The following TLL2 variants were observed in gnomAD, a reference collection of about 807,000 sequenced individuals.
TLL2 encodes the protein tolloid like 2.
A neutral mutation model predicts 123.0 loss-of-function variants in TLL2; 106 were observed. The ratio of observed to expected loss-of-function variants is 0.86; its 90% CI spans 0.74 to 1.01. The LOEUF is 1.01. TLL2 is among the 50% of genes least tolerant of loss of function. The pLI, the probability that TLL2 is intolerant of heterozygous loss-of-function variation, is 0.00. For missense variants in TLL2, 1,332 were observed against 1,336.7 expected (o/e 1.00, Z 0.06); for synonymous variants, 494 against 516.8 (o/e 0.96, Z 0.60).
chr10:96,476,240 A>ATATATATATTTTTTT, intron 2 of TLL2, among the ~76,000 whole-genome samples: 1 of 20,494 alleles, frequency 4.9e-5, no homozygotes, highest in East Asian at 2.1e-3. Flanking sequence ...ATATATATAT[A>ATATATATATTTTTTT]TTTTATTTTT....
chr10:96,468,923 C>T (rs1219615709), intron 2 of TLL2, among the ~76,000 whole-genome samples: 1 of 152,238 alleles, frequency 6.6e-6, no homozygotes. Context: ...GAATGAGGCC[C>T]TGGAGGATGA....
intron 1 of TLL2, 41 bp from the exon 2 acceptor site, chr10:96,480,500 G>C: frequency 6.5e-7 from 1 of 1,530,242 alleles, no homozygotes; most frequent in South Asian, 1.1e-5. Context: ...TATGCTAGAA[G>C]TCAAGAAAAA....
intron 16 of TLL2, among the ~76,000 whole-genome samples, chr10:96,380,965 G>A (rs866764271): frequency 2.0e-5 from 3 of 149,162 alleles, no homozygotes; most frequent in African/African-American, 5.0e-5. Context: ...CAACAAGAGC[G>A]ACACTCTGTC....
intron 1 of TLL2, among the ~76,000 whole-genome samples, chr10:96,512,635 C>T (rs1589440893): frequency 6.6e-6 from 1 of 152,378 alleles, no homozygotes; most frequent in East Asian, 1.9e-4. Context: ...GTGCGAGCCT[C>T]TGAGCCCAGC....
chr10:96,374,210 TG>T, intron 18 of TLL2: 1 of 214,282 alleles, frequency 4.7e-6, no homozygotes, highest in South Asian at 8.7e-5. Context: ...CAGCAAGGGC[TG>T]AGTGCCCACT....
At chr10:96,509,141 A>C (rs1348079546) in intron 1 of TLL2, among the ~76,000 whole-genome samples, 1 of 152,198 alleles carries the variant, frequency 6.6e-6, no homozygotes, top group East Asian at 1.9e-4. Flanking sequence ...CAACAGCCAG[A>C]CACATGAGCG....
chr10:96,484,875 C>T (rs953123463), intron 1 of TLL2, among the ~76,000 whole-genome samples: 4 of 152,132 alleles, frequency 2.6e-5, no homozygotes, highest in East Asian at 1.9e-4. Flanking sequence ...ACATAGTAGG[C>T]GATTTCCCCA....
At chr10:96,398,178 G>T (rs1288356241) in intron 10 of TLL2, among the ~76,000 whole-genome samples, 1 of 152,190 alleles carries the variant, frequency 6.6e-6, no homozygotes, top group Non-Finnish European at 1.5e-5. Flanking sequence ...GGATGGAAGT[G>T]ACTTTCCCAC....
chr10:96,437,181 T>G (rs1479157174), intron 3 of TLL2, among the ~76,000 whole-genome samples: 1 of 152,228 alleles, frequency 6.6e-6, no homozygotes, highest in African/African-American at 2.4e-5. Context: ...AATATTATAT[T>G]TTCTGGTATA....
intron 13 of TLL2, among the ~76,000 whole-genome samples, chr10:96,394,335 G>A (rs1384702764): frequency 1.3e-5 from 2 of 152,296 alleles, no homozygotes; most frequent in East Asian, 1.9e-4. Flanking sequence ...ATGCAGTGGG[G>A]AGCAGCCATG....
At chr10:96,410,142 C>T (rs148534472) in intron 9 of TLL2, among the ~76,000 whole-genome samples, 3 of 152,308 alleles carry the variant, frequency 2.0e-5, no homozygotes, top group African/African-American at 7.2e-5. Context: ...ATTTATAACT[C>T]AGCAGATATT....
intron 1 of TLL2, among the ~76,000 whole-genome samples, chr10:96,496,710 A>G (rs1847479583): frequency 6.6e-6 from 1 of 152,254 alleles, no homozygotes; most frequent in African/African-American, 2.4e-5. Context: ...ACACCTGCTC[A>G]GCTAATTTCC....
intron 1 of TLL2, among the ~76,000 whole-genome samples, chr10:96,495,026 T>A (rs548990378): frequency 4.6e-5 from 7 of 152,338 alleles, no homozygotes; most frequent in African/African-American, 1.2e-4. Context: ...TTTCACTACA[T>A]TTTCTTTTAG....
intron 3 of TLL2, among the ~76,000 whole-genome samples, chr10:96,439,422 T>C (rs1846829949): frequency 6.6e-6 from 1 of 151,982 alleles, no homozygotes; most frequent in African/African-American, 2.4e-5. Context: ...GCTCTAAAAC[T>C]TGCCTGGGTC....
rs1478167473 is a variant in TLL2, at chr10:96,513,531, T to C, written c.155A>G (p.Tyr52Cys). 2 of 1,612,582 alleles carry C rather than the reference T, an allele frequency of 1.2e-6. No individual in the cohort carries two copies. The highest frequency in any genetic ancestry group is 3.3e-5 in the Admixed American group (2 of 60,014). The change falls in exon 1 of 21, where the codon TAC becomes TGC. Residue 52 changes from tyrosine (Y) to cysteine (C), a missense_variant. Physicochemically the swap from Tyr to Cys is radical, Grantham distance 194 (BLOSUM62 -2). Transcript: ENST00000357947. ...EEGTEQQLEH[Y>C]HDPCKAAVFW... ...CCTACCGGCTTTGCAAGGGTCGTGG[T>C]AATGCTCCAGCTGCTGCTCCGTGCC...
intron 19 of TLL2, 71 bp downstream of exon 19, chr10:96,373,525 G>C (rs77173980): frequency 0.14 from 207,592 of 1,434,088 alleles, 15,959 homozygotes; most frequent in South Asian, 0.23. Context: ...AGTCCTTGTC[G>C]TGCCTTCACC....
At chr10:96,492,382 G>C (rs1313953117) in intron 1 of TLL2, among the ~76,000 whole-genome samples, 3 of 152,202 alleles carry the variant, frequency 2.0e-5, no homozygotes, top group South Asian at 4.1e-4. Context: ...CCAGCACTTT[G>C]GGAGGCCGAG....
At chr10:96,406,960 AC>A (rs1173917815) in intron 9 of TLL2, among the ~76,000 whole-genome samples, 1 of 149,942 alleles carries the variant, frequency 6.7e-6, no homozygotes, top group African/African-American at 2.5e-5. Context: ...CTCCTGCCTC[AC>A]CCCCTCCTGG....
At chr10:96,414,462 G>A (rs1846535148) in intron 7 of TLL2, among the ~76,000 whole-genome samples, 1 of 151,800 alleles carries the variant, frequency 6.6e-6, no homozygotes, top group African/African-American at 2.4e-5. Flanking sequence ...CCTCCTCACT[G>A]TCTTCTCCCT....
Sources: gnomAD v4.1 joint callset for allele counts (sites outside exome capture counted in the v4.1 genomes callset) on GRCh38, gnomAD v4.1.1 for gene constraint, MANE v1.5 for transcripts, NCBI Gene and HGNC (gene_info 2026-07-23, HGNC 2026-07-21) for gene names.